Variants in SMURF2 observed in about 807,000 individuals in gnomAD.
The protein encoded by SMURF2 is SMAD specific E3 ubiquitin protein ligase 2.
Under a neutral mutation model 109.6 loss-of-function variants are expected in SMURF2, and 48 were observed. The observed-to-expected ratio is 0.44, with a 90% CI of 0.35 to 0.56. The LOEUF is 0.56. Ranked by LOEUF, SMURF2 falls within the 20% of genes least tolerant of loss-of-function variation. The probability of loss-of-function intolerance (pLI) is 0.01; values close to 1 mark genes in which losing one functional copy is unlikely to be tolerated. For missense variants in SMURF2, 575 were observed against 909.0 expected (o/e 0.63, Z 4.72); for synonymous variants, 288 against 317.1 (o/e 0.91, Z 0.97).
chr17:64,567,998 C>A (rs146549849), intron 10 of SMURF2, among the ~76,000 whole-genome samples: 2 of 152,116 alleles, frequency 1.3e-5, no homozygotes, highest in African/African-American at 4.8e-5. Flanking sequence ...GGACTACAGG[C>A]GTGCACCACC....
chr17:64,641,806 T>C (rs1970496463), intron 1 of SMURF2, among the ~76,000 whole-genome samples: 1 of 152,120 alleles, frequency 6.6e-6, no homozygotes, highest in Admixed American at 6.6e-5. Flanking sequence ...GCCAAATCCC[T>C]GACCCACAGA....
chr17:64,552,806 C>T (rs147120325), intron 15 of SMURF2, among the ~76,000 whole-genome samples: 1 of 152,252 alleles, frequency 6.6e-6, no homozygotes, highest in East Asian at 1.9e-4. Flanking sequence ...CAGGTTCAAG[C>T]GGTTCTCCTG....
intron 9 of SMURF2, among the ~76,000 whole-genome samples, chr17:64,577,940 A>AC (rs1969519226): frequency 8.2e-6 from 1 of 122,698 alleles, no homozygotes; most frequent in Non-Finnish European, 1.7e-5. Context: ...TTTTCATTCC[A>AC]CTTTTTTTTT....
intron 1 of SMURF2, among the ~76,000 whole-genome samples, chr17:64,648,713 A>C (rs1555693208): frequency 1.3e-5 from 2 of 152,210 alleles, no homozygotes; most frequent in Non-Finnish European, 2.9e-5. Context: ...TCAAGGCTAT[A>C]GTGAGCCATA....
At chr17:64,549,804 C>G (rs1317726048) in intron 16 of SMURF2, among the ~76,000 whole-genome samples, 1 of 151,972 alleles carries the variant, frequency 6.6e-6, no homozygotes, top group Non-Finnish European at 1.5e-5. Context: ...AGTTTCATGA[C>G]CCATTAGCAG....
At chr17:64,658,971 C>T (rs1284544510) in intron 1 of SMURF2, among the ~76,000 whole-genome samples, 1 of 152,176 alleles carries the variant, frequency 6.6e-6, no homozygotes, top group Non-Finnish European at 1.5e-5. Flanking sequence ...CCCCCAACTG[C>T]CTGAGGAATC....
At chr17:64,613,705 T>A (rs1275458378) in intron 1 of SMURF2, among the ~76,000 whole-genome samples, 8 of 133,554 alleles carry the variant, frequency 6.0e-5, no homozygotes, top group African/African-American at 2.3e-4. Context: ...TGTGTGTGTG[T>A]GTGTGTGTGT....
Position 64,581,720 on chromosome 17 carries a change from G to A in SMURF2, c.570-729C>T, listed in dbSNP as rs905287707. Among the ~76,000 whole-genome samples, 24 of 152,174 alleles carry A rather than the reference G, an allele frequency of 1.6e-4. No homozygotes were observed. Among genetic ancestry groups the A allele is most frequent in the Admixed American group, 1.2e-3 (19 of 15,276 alleles). ...AGCACTTTGGGAGACCGAAGCGAGC[G>A]GATCACTTGAGGTCAGGAGTTTGAG... On this transcript the variant is annotated intron_variant, in intron 7 of 18. Transcript: ENST00000262435. This position sits in a 1 kb window ranked among gnomAD's most constrained non-coding sequence, Gnocchi z 4.3.
rs1254887256 is a variant in SMURF2 at position 64,543,121 on chromosome 17, G to A, written c.*2727C>T. 1 of 152,180 alleles carries A rather than the reference G, an allele frequency of 6.6e-6. No individual in the cohort carries two copies. The highest frequency in any genetic ancestry group is 2.4e-5 in the African/African-American group (1 of 41,438). The allele number at this position is 152,180 out of a possible 1,614,324, so 9.4% of individuals were successfully genotyped here. On this transcript the variant is annotated 3_prime_UTR_variant, in exon 19 of 19. Coordinates refer to ENST00000262435, the MANE Select transcript of SMURF2 (RefSeq NM_022739.4). ...GGAAATAAATATTCACATTAAACAT[G>A]AGGTGCAAGTCCATGGTTCAATAAT...
chr17:64,602,072 C>T (rs1969906411), intron 2 of SMURF2, among the ~76,000 whole-genome samples: 1 of 151,688 alleles, frequency 6.6e-6, no homozygotes, highest in South Asian at 2.1e-4. Context: ...TGAAGTAACT[C>T]AAGAATGGAA....
chr17:64,626,941 A>AC (rs1318301099), intron 1 of SMURF2, among the ~76,000 whole-genome samples: 4 of 151,498 alleles, frequency 2.6e-5, no homozygotes, highest in South Asian at 2.1e-4. Context: ...CTAAAAAAAA[A>AC]AAACAAACAA....
At chr17:64,558,391 T>C (rs570980343) in intron 12 of SMURF2, among the ~76,000 whole-genome samples, 2 of 150,946 alleles carry the variant, frequency 1.3e-5, no homozygotes, top group African/African-American at 2.4e-5. Context: ...AGAGACCCTG[T>C]CTCAAAGAAA....
intron 1 of SMURF2, among the ~76,000 whole-genome samples, chr17:64,628,958 T>C (rs1163340765): frequency 6.6e-6 from 1 of 152,088 alleles, no homozygotes; most frequent in African/African-American, 2.4e-5. Context: ...AACCCCACAA[T>C]TTCCATTAAG....
intron 1 of SMURF2, among the ~76,000 whole-genome samples, chr17:64,617,718 C>G (rs1390491314): frequency 6.6e-6 from 1 of 152,110 alleles, no homozygotes; most frequent in African/African-American, 2.4e-5. Context: ...ATCCTCCTAC[C>G]TCAGTCTCCC....
At chr17:64,610,913 T>C (rs1310470113) in intron 1 of SMURF2, among the ~76,000 whole-genome samples, 4 of 152,156 alleles carry the variant, frequency 2.6e-5, no homozygotes, top group African/African-American at 7.2e-5. Flanking sequence ...GTCCATACAA[T>C]GGACATTTTT....
intron 13 of SMURF2, 105 bp from the exon 14 acceptor site, chr17:64,556,103 ATTTTTACTCTTCAATAGAGTCAGG>A: frequency 1.2e-6 from 1 of 825,334 alleles, no homozygotes; most frequent in African/African-American, 1.7e-5. Context: ...TAAGCATAAA[ATTTTTACTCTTCAATAGAGTCAGG>A]AGGGAGTATT....
At chr17:64,570,698 A>G (rs1182679858) in intron 10 of SMURF2, among the ~76,000 whole-genome samples, 3 of 152,224 alleles carry the variant, frequency 2.0e-5, no homozygotes, top group African/African-American at 7.2e-5. Flanking sequence ...TAACCTCTAT[A>G]CCTCAGTTTC....
chr17:64,594,921 C>T (rs1969797138), intron 3 of SMURF2, among the ~76,000 whole-genome samples: 3 of 152,002 alleles, frequency 2.0e-5, no homozygotes, highest in African/African-American at 4.8e-5. Context: ...ACCCGGGAGG[C>T]GGAGGTTGTG....
chr17:64,626,742 G>A lies in SMURF2; in HGVS notation c.53-20102C>T, dbSNP rs913740732. 3.3e-5 allele frequency among the ~76,000 whole-genome samples: 5 copies of A among 151,904 alleles called. No individual in the cohort carries two copies. In the East Asian group the frequency reaches 5.8e-4, roughly 18 times the overall value. On this transcript the variant is annotated intron_variant, in intron 1 of 18. Transcript: ENST00000262435. ...TGTGCCACTGTACTCCAGCCTGCTC[G>A]ACAGAGCAAGATTCCATCAAAAAAA... is the stretch of plus-strand genomic sequence containing the variant.
Sources: allele counts gnomAD v4.1 joint callset (sites outside exome capture counted in the v4.1 genomes callset), GRCh38; gene constraint gnomAD v4.1.1; non-coding constraint Gnocchi (gnomAD v3.1); transcripts MANE v1.5; gene names NCBI Gene and HGNC (gene_info 2026-07-23, HGNC 2026-07-21).